The following CCDC170 variants were observed in gnomAD, a reference collection of about 807,000 sequenced individuals.
CCDC170 encodes coiled-coil domain-containing protein 170.
A neutral mutation model predicts 72.6 loss-of-function variants in CCDC170; 69 were observed. That is an observed-to-expected ratio of 0.95 (90% CI 0.78 to 1.16). The LOEUF (loss-of-function observed/expected upper bound fraction) is 1.16, where lower values mean the gene tolerates loss of function less well. CCDC170 is among the 50% of genes most tolerant of loss of function. The pLI is 0.00. For missense variants in CCDC170, 852 were observed against 832.5 expected (o/e 1.02, Z -0.29); for synonymous variants, 300 against 303.9 (o/e 0.99, Z 0.13).
chr6:151,547,916 T>G (rs1782802891), intron 4 of CCDC170, among the ~76,000 whole-genome samples: 1 of 152,210 alleles, frequency 6.6e-6, no homozygotes, highest in African/African-American at 2.4e-5. Flanking sequence ...TTCTCTGTAT[T>G]TCCTCCAGTG....
At chr6:151,524,745 T>A (rs1782374812) in intron 1 of CCDC170, among the ~76,000 whole-genome samples, 1 of 152,176 alleles carries the variant, frequency 6.6e-6, no homozygotes, top group Non-Finnish European at 1.5e-5. Flanking sequence ...TTAAAAATAC[T>A]TTTTTCATTT....
intron 5 of CCDC170, 134 bp downstream of exon 5, chr6:151,548,623 C>CTG: frequency 2.8e-6 from 2 of 714,326 alleles, no homozygotes; most frequent in Non-Finnish European, 4.2e-6. Context: ...TAAGAGCCTG[C>CTG]ACTCAGCAGG....
chr6:151,563,660 C>T (rs1423572163), intron 5 of CCDC170, among the ~76,000 whole-genome samples: 1 of 152,084 alleles, frequency 6.6e-6, no homozygotes, highest in Non-Finnish European at 1.5e-5. Flanking sequence ...GGAGTGTGGG[C>T]ACGTCTGTGT....
intron 1 of CCDC170, among the ~76,000 whole-genome samples, chr6:151,526,617 G>T (rs1409741070): frequency 1.3e-5 from 2 of 150,974 alleles, no homozygotes; most frequent in African/African-American, 4.9e-5. Flanking sequence ...CTGGGTCCAA[G>T]CGATTCTCCT....
intron 6 of CCDC170, among the ~76,000 whole-genome samples, chr6:151,585,685 C>T (rs544773127): frequency 5.9e-5 from 9 of 152,034 alleles, no homozygotes; most frequent in Non-Finnish European, 1.0e-4. Flanking sequence ...AAATACCAAT[C>T]GAAAAATTTA....
rs575396740 is a variant in CCDC170, at chr6:151,508,402, T to TG, written c.57+14224dup. 4.4e-3 allele frequency among the ~76,000 whole-genome samples: 662 copies of TG among 151,366 alleles called. 3 individuals are homozygous for TG. Among genetic ancestry groups the TG allele is most frequent in the African/African-American group, 0.015 (603 of 41,242 alleles). On this transcript the variant is annotated intron_variant, in intron 1 of 10. Transcript: ENST00000239374. ...AAAATACAAAATTAGCCAGGCATAG[T>TG]GGGGGGGCGCCTGTAGTCCCAGCTA...
chr6:151,532,770 CAAG>C (rs936266360), intron 1 of CCDC170, among the ~76,000 whole-genome samples: 9 of 151,948 alleles, frequency 5.9e-5, no homozygotes, highest in African/African-American at 2.2e-4. Context: ...TGGAATTTTC[CAAG>C]AAGATTTTGA....
chr6:151,561,605 C>G (rs548250984), intron 5 of CCDC170, among the ~76,000 whole-genome samples: 9 of 152,114 alleles, frequency 5.9e-5, no homozygotes, highest in South Asian at 2.1e-4. Context: ...GTTTTCTTCT[C>G]TAGGTAATTT....
chr6:151,555,210 T>C (rs1022238078), intron 5 of CCDC170, among the ~76,000 whole-genome samples: 5 of 151,998 alleles, frequency 3.3e-5, no homozygotes, highest in Admixed American at 3.3e-4. Context: ...ATCTGTAAAA[T>C]GGGAAAATAA....
chr6:151,548,451 G>C lies in CCDC170; in HGVS notation c.736G>C (p.Ala246Pro). 6.2e-7 allele frequency: 1 copy of C among 1,608,964 alleles called. No homozygotes were observed. The highest frequency in any genetic ancestry group is 8.5e-7 in the Non-Finnish European group (1 of 1,177,838). The change falls in exon 5 of 11, where the codon GCT becomes CCT. Residue 246 changes from alanine (A) to proline (P), a missense_variant. Physicochemically the swap from Ala to Pro is conservative, Grantham distance 27. Transcript: ENST00000239374. ...AGAAGTCAACAGAGAGCAGAAAAAA[G>C]CTGCCTCCTGTACTGAAGAGAAAGA... ...ASEVNREQKK[A>P]ASCTEEKEKL...
chr6:151,527,460 A>G (rs73783047), intron 1 of CCDC170, among the ~76,000 whole-genome samples: 3,504 of 152,298 alleles, frequency 0.023, 127 homozygotes, highest in African/African-American at 0.074. Context: ...CAGGAGGGCC[A>G]GGAAAGTCCT....
chr6:151,563,723 G>T (rs1327956443), intron 5 of CCDC170, among the ~76,000 whole-genome samples: 1 of 152,132 alleles, frequency 6.6e-6, no homozygotes, highest in Non-Finnish European at 1.5e-5. Context: ...GCCCCCAATA[G>T]TGTTGACCTG....
chr6:151,506,050 A>G (rs965800158), intron 1 of CCDC170, among the ~76,000 whole-genome samples: 19 of 152,150 alleles, frequency 1.2e-4, no homozygotes, highest in Non-Finnish European at 1.8e-4. Flanking sequence ...GCAGTGAGCT[A>G]TGATTTGTAC....
rs1781871632 is a variant in CCDC170 at position 151,494,059 on chromosome 6, C to T, written c.-70C>T. 2.1e-6 allele frequency: 3 copies of T among 1,398,088 alleles called. No individual in the cohort carries two copies. The highest frequency in any genetic ancestry group is 1.5e-5 in the African/African-American group (1 of 66,304). The allele number at this position is 1,398,088 out of a possible 1,614,324, so 86.6% of individuals were successfully genotyped here. ...CCCGAGGAGACACCCGCGCCACCCG[C>T]CGGCTCCCGGCGCCGCCGCTTCCTC... On this transcript the variant is annotated 5_prime_UTR_variant, in exon 1 of 11. Transcript: ENST00000239374.
At chr6:151,545,431 AC>A (rs935636076) in intron 4 of CCDC170, among the ~76,000 whole-genome samples, 7 of 151,832 alleles carry the variant, frequency 4.6e-5, no homozygotes, top group African/African-American at 7.3e-5. Flanking sequence ...ACAAAACAAA[AC>A]AAAATAGCAA....
intron 1 of CCDC170, among the ~76,000 whole-genome samples, chr6:151,517,692 T>C (rs982850496): frequency 4.6e-5 from 7 of 152,026 alleles, no homozygotes; most frequent in Non-Finnish European, 8.8e-5. Flanking sequence ...TCCACCCACC[T>C]CGGCCTCCCA....
chr6:151,523,994 G>C (rs539361707), intron 1 of CCDC170, among the ~76,000 whole-genome samples: 22 of 152,332 alleles, frequency 1.4e-4, no homozygotes, highest in African/African-American at 4.3e-4. Flanking sequence ...CACTGCAGGG[G>C]AGAGGGGATC....
At position 151,594,254 on chromosome 6, in the gene CCDC170, A is replaced by G. The variant is rs1353409067; in HGVS notation, c.1467+974A>G. ...ATAATGAGTCACATCTGGGCTCCCAATTCGGTTCCATCAAGCTGTGTGACC... is the reference window on the plus strand; with the variant it reads ...ATAATGAGTCACATCTGGGCTCCCAGTTCGGTTCCATCAAGCTGTGTGACC... On this transcript the variant is annotated intron_variant, in intron 8 of 10. Transcript: ENST00000239374. Among the ~76,000 whole-genome samples the G allele has an allele frequency of 4.6e-5, 7 of 152,176 alleles. No individual in the cohort carries two copies. In the South Asian group the frequency reaches 1.0e-3, roughly 22 times the overall value.
intron 1 of CCDC170, among the ~76,000 whole-genome samples, chr6:151,512,926 A>G (rs1050509629): frequency 6.6e-6 from 1 of 152,242 alleles, no homozygotes; most frequent in Non-Finnish European, 1.5e-5. Context: ...TGACCCTTAA[A>G]GTCATGAACC....
Sources: allele counts gnomAD v4.1 joint callset (sites outside exome capture counted in the v4.1 genomes callset), GRCh38; gene constraint gnomAD v4.1.1; transcripts MANE v1.5; gene names NCBI Gene and HGNC (gene_info 2026-07-23, HGNC 2026-07-21).